The following EIF4G3 variants were observed in gnomAD, a reference collection of about 807,000 sequenced individuals.
EIF4G3 encodes the protein eukaryotic translation initiation factor 4 gamma 3, also known as eIF-4-gamma 3.
A neutral mutation model predicts 186.4 loss-of-function variants in EIF4G3; 34 were observed. The observed-to-expected ratio is 0.18, with a 90% CI of 0.14 to 0.24. The LOEUF is 0.24. EIF4G3 is among the 10% of genes least tolerant of loss of function. EIF4G3 has a pLI of 1.00. For missense variants in EIF4G3, 1,536 were observed against 1,948.5 expected (o/e 0.79, Z 3.99); for synonymous variants, 673 against 679.5 (o/e 0.99, Z 0.15).
chr1:20,815,443 G>A (rs2060360141), intron 34 of EIF4G3, among the ~76,000 whole-genome samples: 1 of 148,868 alleles, frequency 6.7e-6, no homozygotes, highest in Non-Finnish European at 1.5e-5. Flanking sequence ...GCCCTGTCTA[G>A]GATGTGAGGA....
rs190488414 is a variant in EIF4G3 at position 20,967,706 on chromosome 1, A to C, written c.714+1768T>G. ...AATCCACAGATTTCCAAGGGGCTCTAAACTCAGCCAGCTGTTTGTGATTTT... is the reference window on the plus strand; with the variant it reads ...AATCCACAGATTTCCAAGGGGCTCTCAACTCAGCCAGCTGTTTGTGATTTT... On this transcript the variant is annotated intron_variant, in intron 12 of 36. Coordinates refer to ENST00000602326, the MANE Select transcript of EIF4G3 (RefSeq NM_001391906.1). Among the ~76,000 whole-genome samples, 275 of 152,352 alleles carry C rather than the reference A, an allele frequency of 1.8e-3. 1 individual carries two copies. Among genetic ancestry groups the C allele is most frequent in the Non-Finnish European group, 2.1e-3 (141 of 68,026 alleles).
At chr1:20,837,463 C>CA (rs1357238630) in intron 30 of EIF4G3, among the ~76,000 whole-genome samples, 5 of 152,194 alleles carry the variant, frequency 3.3e-5, no homozygotes, top group Admixed American at 2.0e-4. Flanking sequence ...CTCGGCCTCC[C>CA]AAAGTGCTGG....
intron 2 of EIF4G3, among the ~76,000 whole-genome samples, chr1:21,103,924 C>T (rs142376145): frequency 4.6e-5 from 7 of 152,254 alleles, no homozygotes; most frequent in East Asian, 1.9e-4. Context: ...GAATTCCTTA[C>T]CATTTCATGC....
chr1:20,893,463 C>A, intron 18 of EIF4G3, 54 bp downstream of exon 18: 1 of 1,504,370 alleles, frequency 6.6e-7, no homozygotes, highest in South Asian at 1.3e-5. Context: ...GGTAGGATTT[C>A]ATGGAGTCTG....
At chr1:20,851,917 C>G (rs566090991) in intron 27 of EIF4G3, among the ~76,000 whole-genome samples, 1 of 152,208 alleles carries the variant, frequency 6.6e-6, no homozygotes, top group African/African-American at 2.4e-5. Context: ...ACTTGGGAGG[C>G]TGAGGCATGA....
intron 2 of EIF4G3, among the ~76,000 whole-genome samples, chr1:21,101,016 A>C (rs1250968449): frequency 3.9e-5 from 6 of 152,126 alleles, no homozygotes; most frequent in African/African-American, 1.4e-4. Flanking sequence ...AATAAACCCA[A>C]GTCAAAGCAC....
intron 35 of EIF4G3, among the ~76,000 whole-genome samples, chr1:20,811,475 AG>A (rs2059234057): frequency 6.6e-6 from 1 of 152,202 alleles, no homozygotes; most frequent in Admixed American, 6.5e-5. Flanking sequence ...GGAGGCAAGA[AG>A]GTCTAAGGCA....
chr1:20,985,143 G>T (rs978848792), intron 7 of EIF4G3, among the ~76,000 whole-genome samples: 1 of 152,110 alleles, frequency 6.6e-6, no homozygotes, highest in African/African-American at 2.4e-5. Context: ...ACACTGAAAG[G>T]ATGTAGCAGG....
At chr1:20,997,765 CAA>C in intron 6 of EIF4G3, 132 bp from the exon 7 acceptor site, 1 of 663,160 alleles carries the variant, frequency 1.5e-6, no homozygotes, top group Non-Finnish European at 2.6e-6. Context: ...AAACAACACA[CAA>C]AACAGTCAAA....
At chr1:21,013,487 G>A (rs982589393) in intron 4 of EIF4G3, among the ~76,000 whole-genome samples, 2 of 152,122 alleles carry the variant, frequency 1.3e-5, no homozygotes, top group Non-Finnish European at 2.9e-5. Context: ...TGTTTGCATC[G>A]TTCTGGCTTG....
intron 4 of EIF4G3, among the ~76,000 whole-genome samples, chr1:21,048,876 G>C (rs374331920): frequency 6.6e-6 from 1 of 152,260 alleles, no homozygotes; most frequent in South Asian, 2.1e-4. Context: ...ACGTAGGTTT[G>C]GTAGGCCTTT....
chr1:21,047,645 T>C (rs544363236), intron 4 of EIF4G3, among the ~76,000 whole-genome samples: 1 of 152,302 alleles, frequency 6.6e-6, no homozygotes, highest in East Asian at 1.9e-4. Context: ...TCGTGTTTCA[T>C]ATGTGTAGGA....
chr1:20,970,531 T>A (rs2075646828), intron 11 of EIF4G3, among the ~76,000 whole-genome samples: 1 of 152,078 alleles, frequency 6.6e-6, no homozygotes, highest in Non-Finnish European at 1.5e-5. Context: ...GAGAATCACT[T>A]GAACCTGAGA....
chr1:21,087,157 A>C (rs2096012251), intron 3 of EIF4G3, among the ~76,000 whole-genome samples: 1 of 152,156 alleles, frequency 6.6e-6, no homozygotes, highest in Non-Finnish European at 1.5e-5. Context: ...TCAGTAGACT[A>C]TGAGTCCTTT....
intron 2 of EIF4G3, among the ~76,000 whole-genome samples, chr1:21,144,684 T>G (rs1441560032): frequency 6.6e-6 from 1 of 152,144 alleles, no homozygotes; most frequent in Non-Finnish European, 1.5e-5. Context: ...AATGGCTTTG[T>G]CTCAGGTCAT....
intron 34 of EIF4G3, among the ~76,000 whole-genome samples, chr1:20,814,136 T>G (rs1197602052): frequency 6.6e-6 from 1 of 151,520 alleles, no homozygotes; most frequent in African/African-American, 2.4e-5. Context: ...TCAGCTAATT[T>G]TTTAGTACTT....
In EIF4G3 at chr1:21,124,082, G is replaced by C. The variant is rs182531679; in HGVS notation, c.-271-34869C>G. On this transcript the variant is annotated intron_variant, in intron 2 of 36. Coordinates refer to ENST00000602326, the MANE Select transcript of EIF4G3 (RefSeq NM_001391906.1). The stretch of plus-strand genomic sequence containing the variant: ...GAGGCAGGTGGATCACCTGAGGTCA[G>C]GAGTTCCAGACCAGCCTAGCCAACA... Among the ~76,000 whole-genome samples, 470 of 152,242 alleles carry C rather than the reference G, an allele frequency of 3.1e-3. 1 individual carries two copies. Among genetic ancestry groups the C allele is most frequent in the Non-Finnish European group, 4.7e-3 (321 of 68,016 alleles).
chr1:21,014,685 A>T (rs1414313886), intron 4 of EIF4G3, among the ~76,000 whole-genome samples: 2 of 133,262 alleles, frequency 1.5e-5, no homozygotes. Flanking sequence ...CCCTGGCTGG[A>T]GTGCAGTGGC....
intron 4 of EIF4G3, among the ~76,000 whole-genome samples, chr1:21,019,878 G>A (rs1001797665): frequency 2.0e-5 from 3 of 152,008 alleles, no homozygotes; most frequent in Non-Finnish European, 4.4e-5. Context: ...GCAAGACGCC[G>A]TCTCAAAACA....
Sources: gnomAD v4.1 joint callset for allele counts (sites outside exome capture counted in the v4.1 genomes callset) on GRCh38, gnomAD v4.1.1 for gene constraint, MANE v1.5 for transcripts, NCBI Gene and HGNC (gene_info 2026-07-23, HGNC 2026-07-21) for gene names.